The following ANXA3 variants were observed in gnomAD, a reference collection of about 807,000 sequenced individuals.
ANXA3 encodes the protein 35-alpha calcimedin.
Under a neutral mutation model 48.8 loss-of-function variants are expected in ANXA3, and 46 were observed. That is an observed-to-expected ratio of 0.94 (90% CI 0.74 to 1.21). ANXA3 has a LOEUF of 1.21. ANXA3 is among the 50% of genes most tolerant of loss of function. ANXA3 has a pLI of 0.00. For missense variants in ANXA3, 383 were observed against 378.6 expected (o/e 1.01, Z -0.10); for synonymous variants, 128 against 134.7 (o/e 0.95, Z 0.35).
At chr4:78,564,912 A>T (rs1037801884) in intron 2 of ANXA3, among the ~76,000 whole-genome samples, 1 of 152,050 alleles carries the variant, frequency 6.6e-6, no homozygotes, top group Non-Finnish European at 1.5e-5. Context: ...GGGCCAAACC[A>T]TGCAGGGCCC....
intron 7 of ANXA3, among the ~76,000 whole-genome samples, chr4:78,593,722 G>A (rs908199035): frequency 1.4e-5 from 2 of 148,096 alleles, no homozygotes; most frequent in African/African-American, 2.5e-5. Context: ...CTGTAGTCTC[G>A]ACCTCCTGGG....
At chr4:78,591,852 G>T (rs1047121874) in intron 7 of ANXA3, among the ~76,000 whole-genome samples, 2 of 152,194 alleles carry the variant, frequency 1.3e-5, no homozygotes, top group Non-Finnish European at 1.5e-5. Flanking sequence ...GAGTCAGTAA[G>T]TGGAGGTGTT....
chr4:78,603,946 C>A lies in ANXA3; in HGVS notation c.790-331C>A, dbSNP rs147851337. ...TTCCTAATCCCTAATCTTTCTTAGG[C>A]CCCCCTGAAGTATGCTCCCATGGTA... On this transcript the variant is annotated intron_variant, in intron 11 of 12. Transcript: ENST00000264908. 74 of 171,546 alleles carry A rather than the reference C, an allele frequency of 4.3e-4. 1 individual carries two copies. The highest frequency in any genetic ancestry group is 3.1e-4 in the Non-Finnish European group (25 of 81,084). The allele number at this position is 171,546 out of a possible 1,614,324, so 10.6% of individuals were successfully genotyped here.
intron 12 of ANXA3, among the ~76,000 whole-genome samples, chr4:78,604,809 G>A (rs1267110765): frequency 6.6e-6 from 1 of 152,102 alleles, no homozygotes; most frequent in Non-Finnish European, 1.5e-5. Context: ...TTTCATTTCA[G>A]TATATAGGAA....
chr4:78,609,986 G>A, intron 12 of ANXA3, 70 bp from the exon 13 acceptor site: 1 of 1,222,754 alleles, frequency 8.2e-7, no homozygotes, highest in Non-Finnish European at 1.2e-6. Flanking sequence ...TAGTGCTATA[G>A]GATTTGATTC....
chr4:78,598,343 G>A (rs921839600), intron 10 of ANXA3, among the ~76,000 whole-genome samples: 1 of 150,374 alleles, frequency 6.7e-6, no homozygotes, highest in Non-Finnish European at 1.5e-5. Context: ...CCAGACTAGA[G>A]TGCAGTGGCA....
chr4:78,599,857 C>T (rs952383365), intron 10 of ANXA3, among the ~76,000 whole-genome samples: 2 of 151,852 alleles, frequency 1.3e-5, no homozygotes, highest in Non-Finnish European at 2.9e-5. Flanking sequence ...CCCAGGAGGT[C>T]GAGGCTCCAG....
At chr4:78,598,841 A>C (rs1265119537) in intron 10 of ANXA3, among the ~76,000 whole-genome samples, 2 of 151,998 alleles carry the variant, frequency 1.3e-5, no homozygotes, top group Non-Finnish European at 2.9e-5. Flanking sequence ...CCCCTGGCCT[A>C]TATTGTTAAT....
chr4:78,559,725 G>A (rs1328077114), intron 2 of ANXA3, among the ~76,000 whole-genome samples: 1 of 152,096 alleles, frequency 6.6e-6, no homozygotes, highest in Non-Finnish European at 1.5e-5. Context: ...CATTTAAAAG[G>A]TAGGCTCTTG....
In ANXA3 at chr4:78,586,359, T is replaced by C; in HGVS notation, c.403+9T>C. On this transcript the variant is annotated intron_variant, in intron 6 of 12. Transcript: ENST00000264908. ...TCAAGCCTATTATACAGGTGTCTTA[T>C]TTTCTGCTTACCTTCACCACTGTTC... 6.3e-7 allele frequency: 1 copy of C among 1,599,714 alleles called. No homozygotes were observed.
At chr4:78,575,057 G>A (rs374062743) in intron 3 of ANXA3, among the ~76,000 whole-genome samples, 134 of 152,268 alleles carry the variant, frequency 8.8e-4, no homozygotes, top group African/African-American at 3.1e-3. Context: ...CTAATTAAGT[G>A]TGTCTAAACA....
intron 5 of ANXA3, among the ~76,000 whole-genome samples, chr4:78,585,570 T>C (rs1352780158): frequency 6.6e-6 from 1 of 152,230 alleles, no homozygotes; most frequent in Non-Finnish European, 1.5e-5. Context: ...TGGGTAGCAA[T>C]GTACCAAGTT....
rs772704805 is a variant in ANXA3, at chr4:78,582,272, G to C, written c.294G>C (p.Gln98His). 21 of 1,612,470 alleles carry C rather than the reference G, an allele frequency of 1.3e-5. No individual in the cohort carries two copies. The Middle Eastern group carries it at 9.9e-4, about 76-fold the overall frequency. The part of the protein sequence containing the change: ...VTPPAVFDAK[Q>H]LKKSMKGAGT... ...CACCAGCAGTCTTTGATGCAAAGCA[G>C]CTAAAGAAATCCATGAAGGTATGAG... Residue 98 changes from glutamine to histidine, a missense_variant, in exon 5 of 13, where the codon CAG (glutamine) becomes CAC (histidine). Physicochemically the swap from Gln to His is conservative, Grantham distance 24. Coordinates refer to ENST00000264908, the MANE Select transcript of ANXA3 (RefSeq NM_005139.3).
chr4:78,599,289 C>T (rs1269972038), intron 10 of ANXA3, among the ~76,000 whole-genome samples: 2 of 152,174 alleles, frequency 1.3e-5, no homozygotes, highest in South Asian at 2.1e-4. Context: ...ACTTTCCAAT[C>T]CTCCCCACCC....
At position 78,610,147 on chromosome 4, in the gene ANXA3, G is replaced by A; in HGVS notation, c.*32G>A. On this transcript the variant is annotated 3_prime_UTR_variant, in exon 13 of 13. Transcript: ENST00000264908. ...AAGATAATCTCCAAAGGTCCACGAT[G>A]GGCTTTCCCAACAGCTCCACCTTAC... is the stretch of plus-strand genomic sequence containing the variant. 6.4e-7 allele frequency: 1 copy of A among 1,551,714 alleles called. No individual in the cohort carries two copies. The highest frequency in any genetic ancestry group is 1.7e-4 in the Middle Eastern group (1 of 5,938).
chr4:78,589,477 C>G (rs1277545689), intron 6 of ANXA3, among the ~76,000 whole-genome samples: 1 of 152,194 alleles, frequency 6.6e-6, no homozygotes, highest in African/African-American at 2.4e-5. Context: ...GTCACTCTCT[C>G]GGCAGCAGGC....
intron 3 of ANXA3, among the ~76,000 whole-genome samples, chr4:78,576,873 A>G (rs1722966924): frequency 6.6e-6 from 1 of 152,162 alleles, no homozygotes; most frequent in African/African-American, 2.4e-5. Flanking sequence ...GGGCATGTTT[A>G]AAAATAAGAG....
intron 5 of ANXA3, among the ~76,000 whole-genome samples, chr4:78,584,152 G>T (rs539337189): frequency 3.9e-5 from 6 of 152,158 alleles, no homozygotes; most frequent in African/African-American, 1.2e-4. Context: ...TTTCTTAACT[G>T]CACTTATTAC....
chr4:78,553,073 G>C (rs1255394651), intron 1 of ANXA3, among the ~76,000 whole-genome samples: 4 of 152,214 alleles, frequency 2.6e-5, no homozygotes, highest in African/African-American at 9.7e-5. Flanking sequence ...TAATTTTCCA[G>C]TTCTGCTGGA....
Sources: allele counts gnomAD v4.1 joint callset (sites outside exome capture counted in the v4.1 genomes callset), GRCh38; gene constraint gnomAD v4.1.1; transcripts MANE v1.5; gene names NCBI Gene and HGNC (gene_info 2026-07-23, HGNC 2026-07-21).